Variants in FIRRM observed in about 807,000 individuals in gnomAD.
FIRRM encodes the protein FIGNL1 interacting regulator of recombination and mitosis.
chr1:169,832,337 A>C, the FIRRM span: 7 of 892,314 alleles, frequency 7.8e-6, no homozygotes, highest in Non-Finnish European at 1.3e-5. Context: ...TGCTATTAAT[A>C]TTTTGGCATA....
At chr1:169,794,022 C>A in the FIRRM span, 68 of 192,262 alleles carry the variant, frequency 3.5e-4, no homozygotes, top group Non-Finnish European at 5.9e-4. Flanking sequence ...GCTGCTTTTT[C>A]TTAAAAAGTT....
chr1:169,806,112 C>T, the FIRRM span: 1 of 1,409,274 alleles, frequency 7.1e-7, no homozygotes, highest in Non-Finnish European at 9.8e-7. Flanking sequence ...TTATTTTTTA[C>T]TTTTTAGAAA....
the FIRRM span, chr1:169,798,844 A>T: frequency 6.1e-6 from 5 of 820,260 alleles, no homozygotes; most frequent in African/African-American, 3.7e-5. Context: ...AAAGGGTTTT[A>T]TTTTTTTTTT....
At chr1:169,851,963 A>G in the FIRRM span, 20 of 1,613,790 alleles carry the variant, frequency 1.2e-5, no homozygotes, top group East Asian at 2.2e-4. Flanking sequence ...ATAGGGGCCA[A>G]ACTTTAACAA....
At chr1:169,854,004 G>C in the FIRRM span, 3 of 596,932 alleles carry the variant, frequency 5.0e-6, no homozygotes, top group Non-Finnish European at 8.7e-6. Flanking sequence ...AAATCAGTGT[G>C]GATGACACCA....
At chr1:169,795,489 C>T in the FIRRM span, 5 of 1,232,584 alleles carry the variant, frequency 4.1e-6, no homozygotes, top group Non-Finnish European at 5.1e-6. Context: ...TCCATTCCTT[C>T]TTTCAGTTTT....
At chr1:169,851,577 G>A in the FIRRM span, 40 of 532,072 alleles carry the variant, frequency 7.5e-5, no homozygotes, top group Non-Finnish European at 1.1e-4. Context: ...ATACAGTAAA[G>A]GTTAGCAGAC....
the FIRRM span, among the ~76,000 whole-genome samples, chr1:169,834,408 A>G: frequency 6.6e-6 from 1 of 152,214 alleles, no homozygotes; most frequent in Non-Finnish European, 1.5e-5. Context: ...AAGAAACTTG[A>G]TAAGATACAC....
the FIRRM span, chr1:169,821,866 T>G: frequency 1.5e-6 from 1 of 659,996 alleles, no homozygotes; most frequent in South Asian, 2.4e-5. Context: ...AGCATATAAC[T>G]TGATCAAGTC....
At chr1:169,811,531 T>C in the FIRRM span, among the ~76,000 whole-genome samples, 3 of 152,058 alleles carry the variant, frequency 2.0e-5, no homozygotes, top group African/African-American at 7.2e-5. Flanking sequence ...GGCACATACC[T>C]GTAGTTCTAG....
At chr1:169,829,367 T>G in the FIRRM span, 3 of 1,613,878 alleles carry the variant, frequency 1.9e-6, no homozygotes, top group East Asian at 6.7e-5. Context: ...AAAGCTGAGG[T>G]GGCTGTCACC....
the FIRRM span, chr1:169,803,405 T>C: frequency 1.7e-6 from 2 of 1,152,818 alleles, no homozygotes; most frequent in African/African-American, 3.1e-5. Flanking sequence ...CATTTTAGTC[T>C]ATATTATTGA....
At chr1:169,785,523 G>C in the FIRRM span, among the ~76,000 whole-genome samples, 3 of 152,136 alleles carry the variant, frequency 2.0e-5, no homozygotes, top group Admixed American at 6.5e-5. Context: ...GTGGGAAGAT[G>C]ATATTCTCCT....
At chr1:169,793,616 AG>A in the FIRRM span, 2 of 1,614,204 alleles carry the variant, frequency 1.2e-6, no homozygotes, top group Admixed American at 1.7e-5. Context: ...TGAGGAATCC[AG>A]GGTCAAAGCT....
At chr1:169,849,535 C>T in the FIRRM span, 1 of 1,613,972 alleles carries the variant, frequency 6.2e-7, no homozygotes, top group South Asian at 1.1e-5. Context: ...GTATGTTTGC[C>T]TTACTGCTAG....
the FIRRM span, among the ~76,000 whole-genome samples, chr1:169,803,864 A>G: frequency 1.3e-5 from 2 of 152,154 alleles, no homozygotes; most frequent in Non-Finnish European, 2.9e-5. Flanking sequence ...ACCCTTTTTT[A>G]GTTCTGTATT....
chr1:169,850,105 T>C, the FIRRM span: 5 of 598,206 alleles, frequency 8.4e-6, no homozygotes, highest in Non-Finnish European at 1.5e-5. Context: ...GTATTATCCT[T>C]AGGGACCCTG....
chr1:169,815,917 G>A, the FIRRM span, among the ~76,000 whole-genome samples: 6 of 152,214 alleles, frequency 3.9e-5, no homozygotes, highest in South Asian at 1.2e-3. Context: ...GAATAGGGAT[G>A]ATGATATTCC....
At chr1:169,798,683 G>C in the FIRRM span, among the ~76,000 whole-genome samples, 623 of 152,300 alleles carry the variant, frequency 4.1e-3, 5 homozygotes, top group African/African-American at 0.013. Flanking sequence ...AGTTTGAAAA[G>C]GCAAGTTTGT....
Sources: allele counts gnomAD v4.1 joint callset (sites outside exome capture counted in the v4.1 genomes callset), GRCh38; gene constraint gnomAD v4.1.1; transcripts MANE v1.5; gene names NCBI Gene and HGNC (gene_info 2026-07-23, HGNC 2026-07-21).